The following VWA3B variants were observed in gnomAD, a reference collection of about 807,000 sequenced individuals.
VWA3B encodes von Willebrand factor A domain-containing protein 3B.
A neutral mutation model predicts 158.3 loss-of-function variants in VWA3B; 138 were observed. The ratio of observed to expected loss-of-function variants is 0.87; its 90% CI spans 0.76 to 1.00. The LOEUF is 1.00. Among genes scored for constraint, VWA3B ranks in the 50% least tolerant of loss-of-function variants. VWA3B has a pLI of 0.00. For synonymous variants in VWA3B, 596 were observed against 587.3 expected, an observed-to-expected ratio of 1.01 and a Z score of -0.21; for missense variants, 1,555 against 1,565.1, an observed-to-expected ratio of 0.99 and a Z score of 0.11.
chr2:98,196,474 T>C (rs981777002), intron 12 of VWA3B, among the ~76,000 whole-genome samples: 3 of 152,232 alleles, frequency 2.0e-5, no homozygotes, highest in Admixed American at 1.3e-4. Flanking sequence ...GGTCCAGTAG[T>C]CAACCCGGTA....
Position 98,202,455 on chromosome 2 carries a change from CT to C in VWA3B, c.1737+7968del, listed in dbSNP as rs1285985660. Among the ~76,000 whole-genome samples, 428 of 151,990 alleles carry C rather than the reference CT, an allele frequency of 2.8e-3. 3 individuals are homozygous for C. Among genetic ancestry groups the C allele is most frequent in the African/African-American group, 9.5e-3 (396 of 41,474 alleles). ...TTTGTTAATTTTTTCAAGAAACCAA[CT>C]TTTTGTTTCTTTGATTTTCTAATTT... is the stretch of plus-strand genomic sequence containing the variant. On this transcript the variant is annotated intron_variant, in intron 12 of 27. Coordinates refer to ENST00000477737, the MANE Select transcript of VWA3B (RefSeq NM_144992.5).
At chr2:98,157,619 A>G (rs1252117632) in intron 7 of VWA3B, among the ~76,000 whole-genome samples, 1 of 152,206 alleles carries the variant, frequency 6.6e-6, no homozygotes, top group East Asian at 1.9e-4. Flanking sequence ...TTCTGAAAAT[A>G]GAAGTATGTG....
Position 98,094,055 on chromosome 2 carries a change from G to A in VWA3B, c.196+767G>A, listed in dbSNP as rs547973911. ...CAGTCATCTATTGATGGACACTTAA[G>A]TTGATTTCGTTATCTTGGCTATTGT... On this transcript the variant is annotated intron_variant, in intron 2 of 27. Transcript: ENST00000477737. 5.7e-4 allele frequency among the ~76,000 whole-genome samples: 87 copies of A among 152,264 alleles called. No homozygotes were observed. In the South Asian group the frequency reaches 0.013, roughly 22 times the overall value.
chr2:98,284,945 G>A (rs1217840660), intron 22 of VWA3B, among the ~76,000 whole-genome samples: 1 of 152,114 alleles, frequency 6.6e-6, no homozygotes, highest in Non-Finnish European at 1.5e-5. Context: ...GGAAGCTCCT[G>A]TACTCATTCA....
intron 8 of VWA3B, among the ~76,000 whole-genome samples, chr2:98,168,461 T>C (rs1354325493): frequency 3.3e-5 from 5 of 152,078 alleles, no homozygotes; most frequent in Non-Finnish European, 7.4e-5. Flanking sequence ...ATTCTTTGAA[T>C]GTCCTATCTC....
intron 7 of VWA3B, among the ~76,000 whole-genome samples, chr2:98,135,329 T>TTC (rs1559562170): frequency 4.2e-5 from 3 of 70,636 alleles, no homozygotes; most frequent in Non-Finnish European, 6.3e-5. Context: ...ATTTTTCTTT[T>TTC]TTTTTTTTTT....
chr2:98,266,421 G>A (rs867140504), intron 21 of VWA3B, among the ~76,000 whole-genome samples: 8 of 151,598 alleles, frequency 5.3e-5, no homozygotes, highest in African/African-American at 1.5e-4. Flanking sequence ...GTTTTGGTAC[G>A]AGTACCATGC....
chr2:98,098,094 G>A (rs1425121176), intron 2 of VWA3B, among the ~76,000 whole-genome samples: 3 of 152,028 alleles, frequency 2.0e-5, no homozygotes, highest in Non-Finnish European at 4.4e-5. Context: ...TACTTGATAC[G>A]ATTTCAGTCT....
At chr2:98,326,523 G>T in the VWA3B span, among the ~76,000 whole-genome samples, 1 of 152,118 alleles carries the variant, frequency 6.6e-6, no homozygotes, top group Non-Finnish European at 1.5e-5. Flanking sequence ...CACTTTGGGA[G>T]GCTGAGGCAG....
intron 19 of VWA3B, chr2:98,242,291 G>A (rs1369012672): frequency 2.2e-6 from 1 of 456,212 alleles, no homozygotes; most frequent in Admixed American, 2.3e-5. Context: ...GGTCACCTTG[G>A]AAATGAGGTA....
At chr2:98,263,496 T>G (rs2105853549) in intron 21 of VWA3B, among the ~76,000 whole-genome samples, 1 of 152,188 alleles carries the variant, frequency 6.6e-6, no homozygotes, top group South Asian at 2.1e-4. Context: ...TCACTTGAGA[T>G]AATCATGTGG....
At position 98,188,046 on chromosome 2, in the gene VWA3B, C is replaced by A; in HGVS notation, c.1383C>A (p.Ser461Arg). ...RFVHAPWKDG[S>R]LVHVNITKEK... ...TCCATGCTCCCTGGAAGGATGGGAG[C>A]TTGGTCCACGTCAACATTACCAAAG... The change falls in exon 10 of 28, where the codon AGC (serine) becomes AGA (arginine). Residue 461 changes from serine to arginine, a missense_variant. Ser to Arg is a moderately radical substitution (Grantham distance 110, BLOSUM62 -1). Coordinates refer to ENST00000477737, the MANE Select transcript of VWA3B (RefSeq NM_144992.5). 1.2e-6 allele frequency: 2 copies of A among 1,614,022 alleles called. No individual in the cohort carries two copies. Among genetic ancestry groups the A allele is most frequent in the Non-Finnish European group, 1.7e-6 (2 of 1,179,990 alleles).
At chr2:98,262,961 G>A (rs1687575520) in intron 21 of VWA3B, among the ~76,000 whole-genome samples, 1 of 151,692 alleles carries the variant, frequency 6.6e-6, no homozygotes, top group South Asian at 2.1e-4. Context: ...ATTTCTTTCA[G>A]CAATGTTTTG....
At chr2:98,155,977 G>A (rs1032728162) in intron 7 of VWA3B, among the ~76,000 whole-genome samples, 1 of 152,094 alleles carries the variant, frequency 6.6e-6, no homozygotes, top group Non-Finnish European at 1.5e-5. Flanking sequence ...AACTTTTGTT[G>A]CAAAGAATCA....
Position 98,290,614 on chromosome 2 carries a change from A to AT in VWA3B, c.3153dup (p.Pro1052SerfsTer59). On this transcript the variant is annotated frameshift_variant, in exon 23 of 28. Transcript: ENST00000477737. LOFTEE classifies it high-confidence loss of function. ...GCAAGATGTGATGAAAATGGCTTTT[A>AT]TTTTCCAGGTAGTTTTTTTTTTTTT... 6.3e-7 allele frequency: 1 copy of AT among 1,584,720 alleles called. No homozygotes were observed. Among genetic ancestry groups the AT allele is most frequent in the East Asian group, 2.3e-5 (1 of 44,178 alleles).
At chr2:98,257,270 A>C (rs976511049) in intron 21 of VWA3B, among the ~76,000 whole-genome samples, 1 of 152,114 alleles carries the variant, frequency 6.6e-6, no homozygotes, top group African/African-American at 2.4e-5. Context: ...TAAGTGCTGC[A>C]AATGATATTA....
intron 26 of VWA3B, among the ~76,000 whole-genome samples, chr2:98,307,071 T>C (rs1453336741): frequency 6.6e-6 from 1 of 152,242 alleles, no homozygotes; most frequent in Non-Finnish European, 1.5e-5. Flanking sequence ...CCTCAGGAGC[T>C]CTTTCTCACT....
chr2:98,123,439 G>A (rs1675120749), intron 5 of VWA3B, among the ~76,000 whole-genome samples: 1 of 152,226 alleles, frequency 6.6e-6, no homozygotes, highest in Non-Finnish European at 1.5e-5. Flanking sequence ...AAGATGCCCA[G>A]AGAGGCTCCT....
chr2:98,170,407 G>A (rs1679482851), intron 8 of VWA3B, among the ~76,000 whole-genome samples: 1 of 152,128 alleles, frequency 6.6e-6, no homozygotes, highest in South Asian at 2.1e-4. Flanking sequence ...AGTTTCAAAA[G>A]ACAAGGAAAT....
Sources: gnomAD v4.1 joint callset for allele counts (sites outside exome capture counted in the v4.1 genomes callset) on GRCh38, gnomAD v4.1.1 for gene constraint, MANE v1.5 for transcripts, NCBI Gene and HGNC (gene_info 2026-07-23, HGNC 2026-07-21) for gene names.